The following SPATS2L variants were observed in gnomAD, a reference collection of about 807,000 sequenced individuals.
SPATS2L encodes the protein SPATS2-like protein.
In SPATS2L, 30 loss-of-function variants were observed where a neutral mutation model predicts 59.6. The observed-to-expected ratio is 0.50, with a 90% CI of 0.38 to 0.68. The LOEUF is 0.68. Ranked by LOEUF, SPATS2L falls within the 30% of genes least tolerant of loss-of-function variation. SPATS2L has a pLI of 0.00. For synonymous variants in SPATS2L, 252 were observed against 263.5 expected, an observed-to-expected ratio of 0.96 and a Z score of 0.42; for missense variants, 615 against 700.0, an observed-to-expected ratio of 0.88 and a Z score of 1.37.
chr2:200,383,438 T>A (rs925575391), intron 2 of SPATS2L, among the ~76,000 whole-genome samples: 1 of 152,234 alleles, frequency 6.6e-6, no homozygotes, highest in African/African-American at 2.4e-5. Context: ...TCGGCCTCTA[T>A]TAAACCCTTC....
intron 6 of SPATS2L, among the ~76,000 whole-genome samples, chr2:200,438,305 A>G (rs2084442141): frequency 8.0e-6 from 1 of 124,882 alleles, no homozygotes; most frequent in African/African-American, 3.1e-5. Context: ...CAAGCTTTCT[A>G]CAAGAACCTG....
intron 2 of SPATS2L, among the ~76,000 whole-genome samples, chr2:200,345,961 C>T (rs779691831): frequency 1.3e-5 from 2 of 152,154 alleles, no homozygotes; most frequent in Non-Finnish European, 2.9e-5. Context: ...AAAATTCCCA[C>T]CAGCTGTTAA....
intron 3 of SPATS2L, among the ~76,000 whole-genome samples, chr2:200,394,388 C>T (rs1235309040): frequency 6.6e-6 from 1 of 152,178 alleles, no homozygotes; most frequent in Non-Finnish European, 1.5e-5. Context: ...TTCGCCCTTC[C>T]TCTGTCATTC....
intron 2 of SPATS2L, among the ~76,000 whole-genome samples, chr2:200,373,017 G>A (rs945669647): frequency 6.6e-6 from 1 of 152,204 alleles, no homozygotes; most frequent in African/African-American, 2.4e-5. Context: ...GTAAATGATA[G>A]CTATTGCTAA....
Position 200,308,239 on chromosome 2 carries a change from G to GAAA in SPATS2L, c.-73+1327_-73+1329dup, listed in dbSNP as rs11400971. Reference sequence around the variant, plus strand: ...AGGAAGTCAGAAATCTCTTCACTCTGAAAAAAAAAAAAGACTTCAAATAAT... The same window carrying GAAA: ...AGGAAGTCAGAAATCTCTTCACTCTGAAAAAAAAAAAAAAAGACTTCAAATAAT... On this transcript the variant is annotated intron_variant, in intron 1 of 12. Transcript: ENST00000409140. Among the ~76,000 whole-genome samples the GAAA allele has an allele frequency of 1.2e-3, 179 of 147,032 alleles. 1 individual carries two copies. Among genetic ancestry groups the GAAA allele is most frequent in the East Asian group, 2.8e-3 (14 of 5,034 alleles).
chr2:200,314,661 G>A (rs2079306218), intron 1 of SPATS2L, among the ~76,000 whole-genome samples: 2 of 152,054 alleles, frequency 1.3e-5, no homozygotes, highest in East Asian at 1.9e-4. Context: ...GCCCCTGCCC[G>A]TAGCATCTCC....
At chr2:200,468,265 C>A (rs1405852309) in intron 10 of SPATS2L, among the ~76,000 whole-genome samples, 1 of 149,788 alleles carries the variant, frequency 6.7e-6, no homozygotes, top group Non-Finnish European at 1.5e-5. Context: ...GAAATAGTTA[C>A]CAGGAAGGCA....
At position 200,440,650 on chromosome 2, in the gene SPATS2L, C is replaced by T; in HGVS notation, c.654C>T (p.Gly218=). 5 of 1,611,374 alleles carry T rather than the reference C, an allele frequency of 3.1e-6. No homozygotes were observed. Among genetic ancestry groups the T allele is most frequent in the Non-Finnish European group, 4.2e-6 (5 of 1,178,370 alleles). The change falls in exon 8 of 13, where the codon GGC becomes GGT. Residue 218 remains glycine (G), a splice_region_variant and synonymous_variant. Transcript: ENST00000409140. ...IKPDELAKKR[G]PNIEKSVKDL... is the part of the protein sequence containing the mutation. ...AATATTTTTTGACATCAATTTTAGG[C>T]CCAAATATTGAGAAATCAGTGAAGG... is the stretch of plus-strand genomic sequence containing the variant.
intron 6 of SPATS2L, among the ~76,000 whole-genome samples, chr2:200,436,424 T>G (rs2084296796): frequency 6.6e-6 from 1 of 152,130 alleles, no homozygotes; most frequent in South Asian, 2.1e-4. Context: ...TATGCAAATA[T>G]GTACAAGTGG....
intron 2 of SPATS2L, among the ~76,000 whole-genome samples, chr2:200,362,391 T>C (rs1423362502): frequency 6.6e-6 from 1 of 152,236 alleles, no homozygotes; most frequent in Non-Finnish European, 1.5e-5. Context: ...AGTCTAGGCA[T>C]ACAGGCTGAT....
intron 8 of SPATS2L, among the ~76,000 whole-genome samples, chr2:200,443,005 C>T (rs1004530454): frequency 6.6e-6 from 1 of 152,162 alleles, no homozygotes; most frequent in African/African-American, 2.4e-5. Context: ...TTTGGTATGC[C>T]ATTGCTATAA....
intron 2 of SPATS2L, among the ~76,000 whole-genome samples, chr2:200,375,438 G>A (rs2081566842): frequency 6.6e-6 from 1 of 152,152 alleles, no homozygotes; most frequent in African/African-American, 2.4e-5. Context: ...TGGTAGGCAA[G>A]TTACCAGGTT....
intron 2 of SPATS2L, among the ~76,000 whole-genome samples, chr2:200,361,105 A>G (rs1282138228): frequency 9.2e-6 from 1 of 109,002 alleles, no homozygotes; most frequent in Non-Finnish European, 1.8e-5. Context: ...ACATCCCTAC[A>G]CAGATACACA....
intron 10 of SPATS2L, among the ~76,000 whole-genome samples, chr2:200,467,716 C>G (rs71424260): frequency 3.3e-5 from 5 of 152,146 alleles, no homozygotes; most frequent in African/African-American, 1.2e-4. Context: ...TTTTCACACA[C>G]TGTGATTTGT....
At chr2:200,337,339 G>A (rs1260095445) in intron 2 of SPATS2L, among the ~76,000 whole-genome samples, 3 of 152,114 alleles carry the variant, frequency 2.0e-5, no homozygotes, top group African/African-American at 4.8e-5. Flanking sequence ...AGTTATGTGC[G>A]AAATTAAAGG....
chr2:200,393,585 C>G (rs562448846), intron 3 of SPATS2L, among the ~76,000 whole-genome samples: 1 of 152,252 alleles, frequency 6.6e-6, no homozygotes, highest in East Asian at 1.9e-4. Context: ...CTTCCCATGT[C>G]AAAAGGTTAA....
chr2:200,387,939 C>T (rs1210316813), intron 2 of SPATS2L, among the ~76,000 whole-genome samples: 1 of 152,054 alleles, frequency 6.6e-6, no homozygotes. Context: ...GAAAAGAAAA[C>T]ACAACAGCTT....
intron 3 of SPATS2L, among the ~76,000 whole-genome samples, chr2:200,405,209 A>C (rs1165686017): frequency 1.3e-5 from 2 of 152,180 alleles, no homozygotes; most frequent in African/African-American, 4.8e-5. Context: ...TCTGAATCAG[A>C]ATCTTCATCC....
intron 1 of SPATS2L, among the ~76,000 whole-genome samples, chr2:200,326,149 T>C (rs1042389197): frequency 5.3e-5 from 8 of 152,196 alleles, no homozygotes; most frequent in Non-Finnish European, 1.2e-4. Flanking sequence ...TTTTTAGAGA[T>C]GGGGTCTTGG....
Sources: allele counts gnomAD v4.1 joint callset (sites outside exome capture counted in the v4.1 genomes callset), GRCh38; gene constraint gnomAD v4.1.1; transcripts MANE v1.5; gene names NCBI Gene and HGNC (gene_info 2026-07-23, HGNC 2026-07-21).